MCMDC2: variants seen among roughly 807,000 people sequenced by gnomAD.
The protein encoded by MCMDC2 is minichromosome maintenance domain-containing protein 2.
In MCMDC2, 54 loss-of-function variants were observed where a neutral mutation model predicts 75.8. That is an observed-to-expected ratio of 0.71 (90% CI 0.57 to 0.89). The LOEUF (loss-of-function observed/expected upper bound fraction) is 0.89, where lower values mean the gene tolerates loss of function less well. Among genes scored for constraint, MCMDC2 ranks in the 40% least tolerant of loss-of-function variants. MCMDC2 has a pLI of 0.00. For missense variants in MCMDC2, 656 were observed against 780.4 expected (o/e 0.84, Z 1.90); for synonymous variants, 249 against 274.6 (o/e 0.91, Z 0.92).
chr8:66,925,031 C>CA (rs1585929217), downstream of MCMDC2, among the ~76,000 whole-genome samples: 1 of 152,192 alleles, frequency 6.6e-6, no homozygotes, highest in East Asian at 1.9e-4. Flanking sequence ...AAACAAGCTG[C>CA]CTAAGAGCCT....
chr8:66,887,315 G>A lies in MCMDC2; in HGVS notation c.1073+3321G>A, dbSNP rs150035732. On this transcript the variant is annotated intron_variant, in intron 9 of 14. Coordinates refer to ENST00000422365, the MANE Select transcript of MCMDC2 (RefSeq NM_173518.5). ...AGCACTTTGGGAGACTGAGGTGGGCGGATCACCTGAAGTCAGGAGTTCGAG... is the reference window on the plus strand; with the variant it reads ...AGCACTTTGGGAGACTGAGGTGGGCAGATCACCTGAAGTCAGGAGTTCGAG... 8.3e-3 allele frequency among the ~76,000 whole-genome samples: 1,255 copies of A among 151,576 alleles called. 17 individuals carry two copies. Among genetic ancestry groups the A allele is most frequent in the African/African-American group, 0.029 (1,198 of 41,258 alleles).
intron 14 of MCMDC2, 141 bp downstream of exon 14, chr8:66,905,476 T>G: frequency 1.3e-6 from 1 of 753,542 alleles, no homozygotes; most frequent in African/African-American, 1.8e-5. Context: ...GTAAGGCCTG[T>G]TTTAATTTGG....
intron 13 of MCMDC2, among the ~76,000 whole-genome samples, chr8:66,902,711 A>AAAAAAAAAAAAAAATATATAT (rs1467425752): frequency 1.5e-5 from 1 of 67,930 alleles, no homozygotes; most frequent in African/African-American, 7.3e-5. Flanking sequence ...AAAAAAAAAA[A>AAAAAAAAAAAAAAATATATAT]ATATATATAT....
chr8:66,919,260 A>T lies in MCMDC2; in HGVS notation c.*91A>T, dbSNP rs968909913. 2.0e-6 allele frequency: 2 copies of T among 1,021,586 alleles called. No homozygotes were observed. The highest frequency in any genetic ancestry group is 2.8e-6 in the Non-Finnish European group (2 of 705,312). 63.3% of individuals were successfully genotyped at this position (1,021,586 alleles called of 1,614,324 possible). A position where few individuals can be genotyped will look rare whatever the true frequency, so the allele number is the denominator to read the frequency against. ...GTGACTTTGAAGTAATGCTTTGATA[A>T]TACTCTGTACAGGAATATATTACAA... is the stretch of plus-strand genomic sequence containing the variant. On this transcript the variant is annotated 3_prime_UTR_variant, in exon 15 of 15. Transcript: ENST00000422365.
chr8:66,891,834 G>C (rs756719429), intron 10 of MCMDC2, among the ~76,000 whole-genome samples: 1 of 152,220 alleles, frequency 6.6e-6, no homozygotes, highest in Non-Finnish European at 1.5e-5. Context: ...GCTGTGGCAG[G>C]GCAGGCAGCT....
intron 9 of MCMDC2, among the ~76,000 whole-genome samples, chr8:66,885,664 C>T (rs1181688350): frequency 6.6e-6 from 1 of 152,006 alleles, no homozygotes; most frequent in Non-Finnish European, 1.5e-5. Flanking sequence ...CAGATCTTAT[C>T]ATCATCACTA....
chr8:66,922,401 AAAG>A (rs1176628108), downstream of MCMDC2: 37 of 463,274 alleles, frequency 8.0e-5, no homozygotes, highest in African/African-American at 6.8e-4. Context: ...TGCTAAAAAC[AAAG>A]AATATTCACC....
At chr8:66,891,125 T>C (rs1812089010) in intron 10 of MCMDC2, 55 bp downstream of exon 10, 5 of 1,377,968 alleles carry the variant, frequency 3.6e-6, no homozygotes, top group Non-Finnish European at 5.0e-6. Flanking sequence ...CTCTCATCCA[T>C]GTTGAGATAC....
Position 66,878,658 on chromosome 8 carries a change from C to A in MCMDC2, c.566C>A (p.Ser189Tyr). 1.9e-6 allele frequency: 3 copies of A among 1,570,440 alleles called. No individual in the cohort carries two copies. The highest frequency in any genetic ancestry group is 2.6e-6 in the Non-Finnish European group (3 of 1,165,808). The change falls in exon 6 of 15, where the codon TCT (serine) becomes TAT (tyrosine). Residue 189 changes from serine (S) to tyrosine (Y), a missense_variant. Transcript: ENST00000422365. ...GACTTTTTGTGTAATCTATGTGCAT[C>A]TTCACTTCAAGAAGACAGAAAATTT... ...RNDFLCNLCA[S>Y]SLQEDRKFRV...
chr8:66,883,979 C>A lies in MCMDC2; in HGVS notation c.1058C>A (p.Thr353Asn). 1 of 1,607,780 alleles carries A rather than the reference C, an allele frequency of 6.2e-7. No individual in the cohort carries two copies. Among genetic ancestry groups the A allele is most frequent in the South Asian group, 1.1e-5 (1 of 90,972 alleles). ...CLDILIITSD[T>N]LLIDRLLNFS... is the part of the protein sequence containing the mutation. ...GATATTTTAATTATAACAAGTGATA[C>A]TCTACTCATAGACAGGTATATATGT... The change falls in exon 9 of 15, where the codon ACT (threonine) becomes AAT (asparagine). Residue 353 changes from threonine to asparagine, a missense_variant. Transcript: ENST00000422365.
At chr8:66,891,406 G>A (rs960213472) in intron 10 of MCMDC2, among the ~76,000 whole-genome samples, 1 of 152,162 alleles carries the variant, frequency 6.6e-6, no homozygotes, top group Admixed American at 6.5e-5. Flanking sequence ...ATCTGAGTGG[G>A]AAAGCTTCAA....
intron 10 of MCMDC2, 48 bp from the exon 11 acceptor site, chr8:66,896,122 A>T: frequency 1.3e-6 from 2 of 1,544,654 alleles, no homozygotes; most frequent in Non-Finnish European, 1.8e-6. Context: ...GTAGACATTT[A>T]GACCAAAATG....
chr8:66,878,102 CGTT>C (rs1811383427), intron 5 of MCMDC2, among the ~76,000 whole-genome samples: 1 of 152,030 alleles, frequency 6.6e-6, no homozygotes, highest in Non-Finnish European at 1.5e-5. Context: ...TATTTCATGA[CGTT>C]GTGAGTGAAA....
intron 14 of MCMDC2, among the ~76,000 whole-genome samples, chr8:66,918,333 T>C (rs962580134): frequency 6.6e-6 from 1 of 152,164 alleles, no homozygotes; most frequent in Non-Finnish European, 1.5e-5. Context: ...TCACTGTTGA[T>C]TGTATTGTTT....
At position 66,921,885 on chromosome 8, in the gene MCMDC2, T is replaced by A. The variant is rs1013826020; in HGVS notation, c.*2716T>A. ...TGACAAGATTATAATCTTTCGAATA[T>A]GTTCAAAACAGGTCTGACTAGTGAC... On this transcript the variant is annotated 3_prime_UTR_variant, in exon 15 of 15. Transcript: ENST00000422365. 9 of 152,270 alleles carry A rather than the reference T, an allele frequency of 5.9e-5. No individual in the cohort carries two copies. The highest frequency in any genetic ancestry group is 1.2e-4 in the Non-Finnish European group (8 of 68,062). 9.4% of individuals were successfully genotyped at this position (152,270 alleles called of 1,614,324 possible).
At chr8:66,881,337 C>T (rs1436233317) in intron 8 of MCMDC2, among the ~76,000 whole-genome samples, 2 of 152,288 alleles carry the variant, frequency 1.3e-5, no homozygotes, top group Non-Finnish European at 2.9e-5. Flanking sequence ...TTTTTCTATA[C>T]CACTAGCCAA....
intron 10 of MCMDC2, among the ~76,000 whole-genome samples, chr8:66,893,324 C>T (rs1352112776): frequency 6.6e-6 from 1 of 152,146 alleles, no homozygotes; most frequent in Non-Finnish European, 1.5e-5. Context: ...TCCTGGGCAA[C>T]ACACTGAGAC....
At chr8:66,882,944 A>G (rs1811660903) in intron 8 of MCMDC2, among the ~76,000 whole-genome samples, 1 of 152,228 alleles carries the variant, frequency 6.6e-6, no homozygotes, top group Non-Finnish European at 1.5e-5. Context: ...GCTGAACTCC[A>G]GAATGAGATG....
At chr8:66,902,707 AAAAAATATAT>A (rs1419959330) in intron 13 of MCMDC2, among the ~76,000 whole-genome samples, 49 of 121,192 alleles carry the variant, frequency 4.0e-4, no homozygotes, top group African/African-American at 1.5e-3. Context: ...AAAAAAAAAA[AAAAAATATAT>A]ATATATATAT....
Sources: allele counts gnomAD v4.1 joint callset (sites outside exome capture counted in the v4.1 genomes callset), GRCh38; gene constraint gnomAD v4.1.1; transcripts MANE v1.5; gene names NCBI Gene and HGNC (gene_info 2026-07-23, HGNC 2026-07-21).